SOBP: variants seen among roughly 807,000 people sequenced by gnomAD.
SOBP encodes sine oculis binding protein homolog.
In SOBP, 4 loss-of-function variants were observed where a neutral mutation model predicts 53.6. That is an observed-to-expected ratio of 0.07 (90% CI 0.04 to 0.17). The LOEUF (loss-of-function observed/expected upper bound fraction) is 0.17. SOBP is among the 10% of genes least tolerant of loss of function. The pLI is 1.00. For missense variants in SOBP, 1,088 were observed against 1,204.7 expected, an observed-to-expected ratio of 0.90 and a Z score of 1.43; for synonymous variants, 584 against 522.6, an observed-to-expected ratio of 1.12 and a Z score of -1.60.
intron 4 of SOBP, among the ~76,000 whole-genome samples, chr6:107,548,312 G>A (rs571351759): frequency 4.0e-4 from 60 of 149,740 alleles, no homozygotes; most frequent in South Asian, 3.2e-3. Context: ...GGAGTGCAGT[G>A]GCGTGATCTT....
intron 3 of SOBP, among the ~76,000 whole-genome samples, chr6:107,530,794 A>G (rs576513141): frequency 6.6e-6 from 1 of 152,358 alleles, no homozygotes; most frequent in East Asian, 1.9e-4. Context: ...AAGTTTTTCC[A>G]GCAGCCAGAT....
Position 107,651,739 on chromosome 6 carries a change from G to T in SOBP, c.*4-6468G>T, listed in dbSNP as rs183506637. Among the ~76,000 whole-genome samples the T allele has an allele frequency of 2.1e-3, 319 of 152,304 alleles. 1 individual carries two copies. Among genetic ancestry groups the T allele is most frequent in the African/African-American group, 7.4e-3 (307 of 41,574 alleles). On this transcript the variant is annotated intron_variant, in intron 6 of 6. Coordinates refer to ENST00000317357, the MANE Select transcript of SOBP (RefSeq NM_018013.4). ...AATGCCTGACTTCAAAGCTTCAAAG[G>T]ACAGGCTGACTCTCTTGGTAGGGGC...
intron 3 of SOBP, among the ~76,000 whole-genome samples, chr6:107,516,991 A>AT (rs1431971044): frequency 6.6e-6 from 1 of 152,186 alleles, no homozygotes; most frequent in Admixed American, 6.5e-5. Flanking sequence ...CCTGCATAAA[A>AT]TTTTGTGGAA....
chr6:107,564,360 A>G (rs1394899794), intron 4 of SOBP, among the ~76,000 whole-genome samples: 1 of 152,160 alleles, frequency 6.6e-6, no homozygotes, highest in Non-Finnish European at 1.5e-5. Flanking sequence ...TCTTATGGAA[A>G]TCTCTCCCCC....
At chr6:107,573,243 A>C (rs1785127428) in intron 4 of SOBP, among the ~76,000 whole-genome samples, 1 of 151,996 alleles carries the variant, frequency 6.6e-6, no homozygotes, top group Non-Finnish European at 1.5e-5. Flanking sequence ...TCTGATTGGC[A>C]TTTGCAGTGG....
At chr6:107,532,130 T>A (rs912729310) in intron 3 of SOBP, among the ~76,000 whole-genome samples, 3 of 151,404 alleles carry the variant, frequency 2.0e-5, no homozygotes, top group Admixed American at 2.0e-4. Flanking sequence ...ACTATACGAG[T>A]GCTTGTTGGG....
chr6:107,497,615 A>T (rs966189794), intron 1 of SOBP, among the ~76,000 whole-genome samples: 16 of 151,956 alleles, frequency 1.1e-4, no homozygotes, highest in Admixed American at 3.9e-4. Context: ...TAGTTTTTAT[A>T]AAAAAAAGTC....
chr6:107,548,764 C>G (rs1248007512), intron 4 of SOBP, among the ~76,000 whole-genome samples: 1 of 151,596 alleles, frequency 6.6e-6, no homozygotes, highest in Non-Finnish European at 1.5e-5. Context: ...TAGCAAGACT[C>G]TGTTTCTACA....
In SOBP at chr6:107,634,325, G is replaced by A. The variant is rs1227936319; in HGVS notation, c.1481G>A (p.Ser494Asn). The part of the protein sequence containing the change: ...PLPSLPFPPV[S>N]MMPNGPMPVP... ...CCGAGTCTTCCCTTCCCGCCAGTGA[G>A]CATGATGCCAAATGGCCCGATGCCG... The change falls in exon 6 of 7, where the codon AGC becomes AAC. Residue 494 changes from serine (S) to asparagine (N), a missense_variant. Physicochemically the swap from Ser to Asn is conservative, Grantham distance 46. Coordinates refer to ENST00000317357, the MANE Select transcript of SOBP (RefSeq NM_018013.4). This position sits in a 1 kb window ranked among gnomAD's most constrained non-coding sequence, Gnocchi z 4.5. 1.3e-6 allele frequency: 2 copies of A among 1,583,810 alleles called. No homozygotes were observed. Among genetic ancestry groups the A allele is most frequent in the Non-Finnish European group, 1.7e-6 (2 of 1,172,124 alleles).
Position 107,633,928 on chromosome 6 carries a change from C to T in SOBP, c.1084C>T (p.Pro362Ser), listed in dbSNP as rs1263109503. 1.2e-6 allele frequency: 2 copies of T among 1,614,236 alleles called. No homozygotes were observed. The highest frequency in any genetic ancestry group is 1.1e-5 in the South Asian group (1 of 91,090). Residue 362 changes from proline to serine, a missense_variant, in exon 6 of 7, where the codon CCT becomes TCT. By Grantham distance (74) the Pro-to-Ser change is moderately conservative. Coordinates refer to ENST00000317357, the MANE Select transcript of SOBP (RefSeq NM_018013.4). ...SIPISETPNIPPVSVQPPASI... is the reference protein window; with the variant it reads ...SIPISETPNISPVSVQPPASI... Reference sequence around the variant, plus strand: ...CCCCATCAGCGAGACTCCAAATATCCCTCCTGTCTCCGTCCAGCCACCTGC... The same window carrying T: ...CCCCATCAGCGAGACTCCAAATATCTCTCCTGTCTCCGTCCAGCCACCTGC...
intron 3 of SOBP, among the ~76,000 whole-genome samples, chr6:107,512,387 G>A (rs1783195251): frequency 6.6e-6 from 1 of 152,232 alleles, no homozygotes; most frequent in Non-Finnish European, 1.5e-5. Flanking sequence ...GAACTGTGCT[G>A]TAGTGAGTCT....
At chr6:107,618,537 G>A (rs1041673380) in intron 5 of SOBP, among the ~76,000 whole-genome samples, 5 of 152,146 alleles carry the variant, frequency 3.3e-5, no homozygotes, top group African/African-American at 1.2e-4. Context: ...TAGACCAATG[G>A]GATTTAGTTC....
intron 4 of SOBP, among the ~76,000 whole-genome samples, chr6:107,535,639 T>TGTGTGTGTG (rs1315066849): frequency 5.4e-5 from 7 of 129,710 alleles, no homozygotes; most frequent in East Asian, 4.4e-4. Context: ...GTGTGTGTGT[T>TGTGTGTGTG]TTTTTTTTTT....
intron 5 of SOBP, among the ~76,000 whole-genome samples, chr6:107,602,558 T>A (rs1405722774): frequency 2.0e-5 from 2 of 97,712 alleles, no homozygotes; most frequent in Admixed American, 1.3e-4. Context: ...GCATAGCAAC[T>A]AAGCCGCGTT....
At chr6:107,644,336 G>C (rs1771465084) in intron 6 of SOBP, among the ~76,000 whole-genome samples, 1 of 152,114 alleles carries the variant, frequency 6.6e-6, no homozygotes, top group Non-Finnish European at 1.5e-5. Context: ...CTTCCCATTA[G>C]AGTGTTGGAT....
At chr6:107,528,669 A>T (rs1012223751) in intron 3 of SOBP, among the ~76,000 whole-genome samples, 2 of 152,082 alleles carry the variant, frequency 1.3e-5, no homozygotes, top group Admixed American at 6.5e-5. Flanking sequence ...GACCTTTTTG[A>T]TTTCATTTTC....
chr6:107,578,685 G>A (rs532699100), intron 4 of SOBP, among the ~76,000 whole-genome samples: 28 of 152,296 alleles, frequency 1.8e-4, no homozygotes, highest in African/African-American at 5.5e-4. Context: ...TGTCTGGTAC[G>A]TGCAAGAAAA....
intron 1 of SOBP, among the ~76,000 whole-genome samples, chr6:107,496,405 A>T (rs2114934725): frequency 6.6e-6 from 1 of 152,340 alleles, no homozygotes; most frequent in East Asian, 1.9e-4. Flanking sequence ...CTGTATCACG[A>T]CGAGACAGTA....
rs1784318723 is a variant in SOBP at position 107,546,983 on chromosome 6, G to T, written c.573+13373G>T. On this transcript the variant is annotated intron_variant, in intron 4 of 6. Transcript: ENST00000317357. ...ATTCCTCAGGGTAGAGAAATTAATA[G>T]TGTACCATCCCAGGGGTTTATATTA... 3.9e-5 allele frequency among the ~76,000 whole-genome samples: 6 copies of T among 152,270 alleles called. No homozygotes were observed. In the South Asian group the frequency reaches 1.2e-3, roughly 32 times the overall value.
Sources: allele counts gnomAD v4.1 joint callset (sites outside exome capture counted in the v4.1 genomes callset), GRCh38; gene constraint gnomAD v4.1.1; non-coding constraint Gnocchi (gnomAD v3.1); transcripts MANE v1.5; gene names NCBI Gene and HGNC (gene_info 2026-07-23, HGNC 2026-07-21).